The following RAB38 variants were observed in gnomAD, a reference collection of about 807,000 sequenced individuals.
The protein encoded by RAB38 is RAB38, member RAS oncogene family.
A neutral mutation model predicts 18.4 loss-of-function variants in RAB38; 15 were observed. The observed-to-expected ratio is 0.82, with a 90% CI of 0.55 to 1.26. The LOEUF (loss-of-function observed/expected upper bound fraction) is 1.26, where lower values mean the gene tolerates loss of function less well. Ranked by LOEUF, RAB38 falls within the 50% of genes most tolerant of loss-of-function variation. RAB38 has a pLI of 0.00. For missense variants in RAB38, 294 were observed against 267.4 expected (o/e 1.10, Z -0.69); for synonymous variants, 101 against 104.4 (o/e 0.97, Z 0.20).
At chr11:87,845,716 A>G in the RAB38 span, among the ~76,000 whole-genome samples, 7 of 152,038 alleles carry the variant, frequency 4.6e-5, no homozygotes, top group Non-Finnish European at 1.0e-4. Flanking sequence ...AAAATAATAA[A>G]CTCAAAGACA....
At chr11:87,906,219 A>C in the RAB38 span, among the ~76,000 whole-genome samples, 2 of 151,984 alleles carry the variant, frequency 1.3e-5, no homozygotes, top group African/African-American at 2.4e-5. Flanking sequence ...TGAGCATTAA[A>C]AATCAAATGA....
the RAB38 span, among the ~76,000 whole-genome samples, chr11:88,054,425 T>C: frequency 3.3e-5 from 5 of 152,222 alleles, no homozygotes; most frequent in Non-Finnish European, 7.3e-5. Context: ...ATTAAGTAAC[T>C]TGGAGTATTA....
the RAB38 span, among the ~76,000 whole-genome samples, chr11:87,942,724 T>C: frequency 6.6e-6 from 1 of 152,134 alleles, no homozygotes; most frequent in South Asian, 2.1e-4. Flanking sequence ...AAAGTCTAAA[T>C]TGTCCGATGA....
At chr11:87,838,848 G>T in the RAB38 span, among the ~76,000 whole-genome samples, 1 of 152,170 alleles carries the variant, frequency 6.6e-6, no homozygotes, top group East Asian at 1.9e-4. Context: ...TGCTGACACT[G>T]TGTAAAACTC....
the RAB38 span, among the ~76,000 whole-genome samples, chr11:87,952,963 A>AAAC: frequency 6.6e-6 from 1 of 152,020 alleles, no homozygotes; most frequent in Non-Finnish European, 1.5e-5. Context: ...AATGTTTTTA[A>AAAC]TTTTAAAACA....
At chr11:87,847,543 C>T in the RAB38 span, among the ~76,000 whole-genome samples, 8 of 152,166 alleles carry the variant, frequency 5.3e-5, no homozygotes, top group East Asian at 1.5e-3. Flanking sequence ...CTCCTCTAGG[C>T]CTTGGGTTTC....
chr11:88,011,014 C>T, the RAB38 span, among the ~76,000 whole-genome samples: 1 of 152,118 alleles, frequency 6.6e-6, no homozygotes, highest in African/African-American at 2.4e-5. Context: ...GTCTCCCTGG[C>T]ATTTATTTAT....
chr11:87,805,692 TATACAC>T, the RAB38 span, among the ~76,000 whole-genome samples: 1 of 151,876 alleles, frequency 6.6e-6, no homozygotes, highest in African/African-American at 2.4e-5. Flanking sequence ...TGTATATACA[TATACAC>T]ATACATATAT....
chr11:88,146,970 C>G (rs1315876184), intron 2 of RAB38, among the ~76,000 whole-genome samples: 1 of 152,120 alleles, frequency 6.6e-6, no homozygotes, highest in Non-Finnish European at 1.5e-5. Context: ...TCAGCCAGTC[C>G]TAAAGGTACT....
the RAB38 span, among the ~76,000 whole-genome samples, chr11:88,024,400 G>T: frequency 0.52 from 78,301 of 151,960 alleles, 21,698 homozygotes; most frequent in Non-Finnish European, 0.62. Flanking sequence ...TGCTGGGGAA[G>T]ATATGGAGAA....
chr11:88,040,938 A>T, the RAB38 span, among the ~76,000 whole-genome samples: 16 of 152,330 alleles, frequency 1.1e-4, no homozygotes, highest in Admixed American at 2.6e-4. Context: ...ACTCATCACC[A>T]GTTTAATCAA....
intron 2 of RAB38, among the ~76,000 whole-genome samples, chr11:88,143,194 T>C (rs1387469368): frequency 6.6e-6 from 1 of 152,232 alleles, no homozygotes; most frequent in East Asian, 1.9e-4. Context: ...TTTAATTGCT[T>C]CATCTGTGAA....
chr11:88,105,486 C>T, the RAB38 span, among the ~76,000 whole-genome samples: 1 of 152,138 alleles, frequency 6.6e-6, no homozygotes, highest in Admixed American at 6.6e-5. Context: ...AATTTATTGC[C>T]TCTTGTAACT....
At chr11:88,109,423 A>C (rs1942443585), downstream of RAB38, among the ~76,000 whole-genome samples, 1 of 152,218 alleles carries the variant, frequency 6.6e-6, no homozygotes, top group Non-Finnish European at 1.5e-5. Context: ...AAACCCTAGA[A>C]GAAAACCTAG....
the RAB38 span, among the ~76,000 whole-genome samples, chr11:87,976,795 T>C: frequency 8.5e-6 from 1 of 117,828 alleles, no homozygotes; most frequent in Admixed American, 9.9e-5. Flanking sequence ...ATATAATATA[T>C]ACTTATAATA....
In RAB38 at chr11:88,149,962, C is replaced by T. The variant is rs1943044601; in HGVS notation, c.203-7G>A. ...TTTCCAAATCTTTCTTGACCTGACA[C>T]CAAAAAGAAATAAAAATAAAAATGT... On this transcript the variant is annotated splice_polypyrimidine_tract_variant and splice_region_variant and intron_variant, in intron 1 of 2. Coordinates refer to ENST00000243662, the MANE Select transcript of RAB38 (RefSeq NM_022337.3). 1.3e-6 allele frequency: 2 copies of T among 1,587,350 alleles called. No individual in the cohort carries two copies. Among genetic ancestry groups the T allele is most frequent in the African/African-American group, 1.4e-5 (1 of 73,086 alleles).
the RAB38 span, among the ~76,000 whole-genome samples, chr11:87,894,653 A>T: frequency 6.6e-6 from 1 of 151,520 alleles, no homozygotes; most frequent in East Asian, 2.0e-4. Flanking sequence ...ATAGAATTGA[A>T]ATAACGTCAA....
the RAB38 span, among the ~76,000 whole-genome samples, chr11:87,820,006 G>A: frequency 6.6e-6 from 1 of 152,010 alleles, no homozygotes; most frequent in Non-Finnish European, 1.5e-5. Context: ...CAACCCTCCT[G>A]CTGAAATATC....
the RAB38 span, among the ~76,000 whole-genome samples, chr11:87,868,042 A>C: frequency 0.3 from 45,564 of 151,658 alleles, 8,883 homozygotes; most frequent in African/African-American, 0.54. Flanking sequence ...AATGATCAGT[A>C]TCACATAGAA....
Sources: gnomAD v4.1 joint callset for allele counts (sites outside exome capture counted in the v4.1 genomes callset) on GRCh38, gnomAD v4.1.1 for gene constraint, MANE v1.5 for transcripts, NCBI Gene and HGNC (gene_info 2026-07-23, HGNC 2026-07-21) for gene names.